PCCA: variants seen among roughly 807,000 people sequenced by gnomAD.
PCCA encodes propionyl-CoA carboxylase subunit alpha, also known as propionyl-CoA carboxylase alpha chain, mitochondrial.
In PCCA, 74 loss-of-function variants were observed where a neutral mutation model predicts 101.3. That is an observed-to-expected ratio of 0.73 (90% CI 0.61 to 0.89). The LOEUF (loss-of-function observed/expected upper bound fraction) is 0.89, where lower values mean the gene tolerates loss of function less well. PCCA is among the 40% of genes least tolerant of loss of function. PCCA has a pLI of 0.00. For missense variants in PCCA, 891 were observed against 907.0 expected (o/e 0.98, Z 0.23); for synonymous variants, 294 against 313.6 (o/e 0.94, Z 0.66).
At chr13:100,319,361 T>C (rs1308516963) in intron 16 of PCCA, among the ~76,000 whole-genome samples, 1 of 152,178 alleles carries the variant, frequency 6.6e-6, no homozygotes, top group African/African-American at 2.4e-5. Flanking sequence ...TTGTCAATTT[T>C]GGCTTTTGTT....
intron 4 of PCCA, among the ~76,000 whole-genome samples, chr13:100,123,181 G>A (rs193048929): frequency 9.7e-4 from 147 of 152,204 alleles, no homozygotes; most frequent in African/African-American, 3.3e-3. Flanking sequence ...TCAGCCTCCC[G>A]AGTAGCTAGG....
At chr13:100,160,464 C>T (rs940565657) in intron 6 of PCCA, among the ~76,000 whole-genome samples, 1 of 150,484 alleles carries the variant, frequency 6.6e-6, no homozygotes, top group African/African-American at 2.4e-5. Flanking sequence ...GATCACGCTA[C>T]TGCACTCCAG....
intron 4 of PCCA, among the ~76,000 whole-genome samples, chr13:100,118,479 A>G (rs925827072): frequency 3.3e-5 from 5 of 152,094 alleles, no homozygotes; most frequent in East Asian, 1.9e-4. Flanking sequence ...TTGGCTTTGT[A>G]TGGAATCTAT....
At chr13:100,377,966 G>A (rs1457435773) in intron 19 of PCCA, among the ~76,000 whole-genome samples, 1 of 152,034 alleles carries the variant, frequency 6.6e-6, no homozygotes, top group East Asian at 1.9e-4. Context: ...TTCCTTCAGT[G>A]GCAACATTAG....
chr13:100,303,104 G>C, intron 14 of PCCA, 106 bp downstream of exon 14: 1 of 792,198 alleles, frequency 1.3e-6, no homozygotes, highest in Non-Finnish European at 2.3e-6. Context: ...TGAAGGACAA[G>C]TGAAATTCAT....
At position 100,115,198 on chromosome 13, in the gene PCCA, T is replaced by G. The variant is rs138443024; in HGVS notation, c.300+3137T>G. Among the ~76,000 whole-genome samples, 92 of 152,168 alleles carry G rather than the reference T, an allele frequency of 6.0e-4. 4 individuals are homozygous for G. In the East Asian group the frequency reaches 0.018, roughly 29 times the overall value. On this transcript the variant is annotated intron_variant, in intron 4 of 23. Transcript: ENST00000376285. ...AAAGACAAGTTTTGCATGTACTCAC[T>G]CATTTGTGGGAGCTAAAAATGAAAA...
chr13:100,248,710 G>A (rs2061588262), intron 8 of PCCA, among the ~76,000 whole-genome samples: 1 of 151,950 alleles, frequency 6.6e-6, no homozygotes, highest in Non-Finnish European at 1.5e-5. Context: ...TTAGGTATGG[G>A]TTTTGTAAAT....
rs2077920762 is a variant in PCCA at position 100,409,807 on chromosome 13, GC to G, written c.1747-15823del. 2.0e-5 allele frequency among the ~76,000 whole-genome samples: 3 copies of G among 152,070 alleles called. No individual in the cohort carries two copies. The South Asian group carries it at 6.2e-4, about 32-fold the overall frequency. ...TTTTGAGATGGAGTCTCATTCTGTC[GC>G]CCAGGATGGAGTGCAATGACATGAT... is the stretch of plus-strand genomic sequence containing the variant. On this transcript the variant is annotated intron_variant, in intron 19 of 23. Coordinates refer to ENST00000376285, the MANE Select transcript of PCCA (RefSeq NM_000282.4).
At chr13:100,114,162 A>G (rs2048579087) in intron 4 of PCCA, among the ~76,000 whole-genome samples, 1 of 152,168 alleles carries the variant, frequency 6.6e-6, no homozygotes, top group Non-Finnish European at 1.5e-5. Context: ...CAAAATGAAG[A>G]GACAACCCAC....
At chr13:100,199,909 A>G (rs953576805) in intron 6 of PCCA, among the ~76,000 whole-genome samples, 2 of 152,258 alleles carry the variant, frequency 1.3e-5, no homozygotes, top group East Asian at 3.9e-4. Flanking sequence ...ATTCTTTTGA[A>G]GAAATCACTA....
intron 1 of PCCA, among the ~76,000 whole-genome samples, chr13:100,092,871 A>T (rs1275374924): frequency 6.6e-6 from 1 of 152,198 alleles, no homozygotes; most frequent in Non-Finnish European, 1.5e-5. Flanking sequence ...CATTTGGGAA[A>T]AGAAATTTCT....
At chr13:100,275,588 C>A (rs1303319400) in intron 12 of PCCA, among the ~76,000 whole-genome samples, 3 of 152,110 alleles carry the variant, frequency 2.0e-5, no homozygotes, top group African/African-American at 4.8e-5. Flanking sequence ...ACCATTTGCT[C>A]CTTAGAAAGT....
At chr13:100,348,752 CTT>C (rs1370630250) in intron 18 of PCCA, among the ~76,000 whole-genome samples, 1 of 54,542 alleles carries the variant, frequency 1.8e-5, no homozygotes, top group African/African-American at 7.5e-5. Flanking sequence ...TTCTTTCTTT[CTT>C]TCTTTCTTTC....
intron 18 of PCCA, among the ~76,000 whole-genome samples, chr13:100,341,193 A>T (rs1393241663): frequency 6.6e-6 from 1 of 152,158 alleles, no homozygotes; most frequent in African/African-American, 2.4e-5. Context: ...AGATGAGAAG[A>T]TATAGAATAT....
Position 100,380,883 on chromosome 13 carries a change from C to A in PCCA, c.1746+12309C>A, listed in dbSNP as rs1374008222. 2.0e-5 allele frequency among the ~76,000 whole-genome samples: 3 copies of A among 152,150 alleles called. No homozygotes were observed. In the East Asian group the frequency reaches 5.8e-4, roughly 29 times the overall value. On this transcript the variant is annotated intron_variant, in intron 19 of 23. Transcript: ENST00000376285. ...GTTTAAAATACATAAAGAACACTTA[C>A]AACTTAACAATAAAAAACAGCCCAC...
chr13:100,257,664 A>T lies in PCCA; in HGVS notation c.707A>T (p.Glu236Val). 6.2e-7 allele frequency: 1 copy of T among 1,612,596 alleles called. No individual in the cohort carries two copies. The highest frequency in any genetic ancestry group is 8.5e-7 in the Non-Finnish European group (1 of 1,178,780). The change falls in exon 9 of 24, where the codon GAA (glutamate) becomes GTA (valine). Residue 236 changes from glutamate to valine, a missense_variant. Physicochemically the swap from Glu to Val is moderately radical, Grantham distance 121. Transcript: ENST00000376285. ...GGCATGCGCATTGCTTGGGATGATG[A>T]AGAGACCAGGTGAGAGGCTGTCCAA... is the stretch of plus-strand genomic sequence containing the variant. Reference protein sequence around the residue: ...GKGMRIAWDDEETRDGFRLSS... With the variant: ...GKGMRIAWDDVETRDGFRLSS...
In PCCA at chr13:100,458,963, C is replaced by T. The variant is rs2081990586; in HGVS notation, c.1899+9658C>T. Among the ~76,000 whole-genome samples the T allele has an allele frequency of 3.3e-5, 5 of 152,212 alleles. No homozygotes were observed. In the South Asian group the frequency reaches 1.0e-3, roughly 32 times the overall value. ...TGTGTTCCTTCACAGTTCTGGGAGC[C>T]AGGAATCTAAAATCAAGGTGTGGGC... On this transcript the variant is annotated intron_variant, in intron 21 of 23. Transcript: ENST00000376285.
chr13:100,238,526 T>C (rs987066538), intron 8 of PCCA, among the ~76,000 whole-genome samples: 4 of 152,252 alleles, frequency 2.6e-5, no homozygotes, highest in Middle Eastern at 3.4e-3. Flanking sequence ...ATAGCAATCA[T>C]GGCTATTAAG....
intron 8 of PCCA, among the ~76,000 whole-genome samples, chr13:100,240,368 A>C (rs1479704345): frequency 6.7e-6 from 1 of 148,426 alleles, no homozygotes; most frequent in Non-Finnish European, 1.5e-5. Flanking sequence ...CCTTAGGATA[A>C]GTTTTTTTTT....
Sources: gnomAD v4.1 joint callset for allele counts (sites outside exome capture counted in the v4.1 genomes callset) on GRCh38, gnomAD v4.1.1 for gene constraint, MANE v1.5 for transcripts, NCBI Gene and HGNC (gene_info 2026-07-23, HGNC 2026-07-21) for gene names.